XYLT1: variants seen among roughly 807,000 people sequenced by gnomAD.
XYLT1 encodes beta-D-xylosyltransferase 1.
XYLT1 carries 36 observed loss-of-function variants against 91.3 expected under a neutral mutation model. That is an observed-to-expected ratio of 0.39 (90% CI 0.30 to 0.52). The LOEUF (loss-of-function observed/expected upper bound fraction) is 0.52, where lower values mean the gene tolerates loss of function less well. Ranked by LOEUF, XYLT1 falls within the 20% of genes least tolerant of loss-of-function variation. The pLI is 0.68. For missense variants in XYLT1, 1,242 were observed against 1,284.5 expected (o/e 0.97, Z 0.51); for synonymous variants, 588 against 532.0 (o/e 1.11, Z -1.45).
At chr16:17,430,899 C>T (rs1269918097) in intron 1 of XYLT1, among the ~76,000 whole-genome samples, 1 of 152,034 alleles carries the variant, frequency 6.6e-6, no homozygotes, top group African/African-American at 2.4e-5. Flanking sequence ...CTGAACAGCA[C>T]TCATAACTTA....
At chr16:17,330,621 T>C (rs1243247479) in intron 2 of XYLT1, among the ~76,000 whole-genome samples, 1 of 148,070 alleles carries the variant, frequency 6.8e-6, no homozygotes, top group Non-Finnish European at 1.5e-5. Flanking sequence ...ACCCCGTCTC[T>C]ACTAAAAATA....
chr16:17,355,060 C>T (rs2035275477), intron 2 of XYLT1: 1 of 152,622 alleles, frequency 6.6e-6, no homozygotes, highest in Non-Finnish European at 1.5e-5. Flanking sequence ...CAAATTGAAG[C>T]TCTTCCCCAA....
chr16:17,140,488 C>T (rs747400007), intron 7 of XYLT1, among the ~76,000 whole-genome samples: 6 of 151,746 alleles, frequency 4.0e-5, no homozygotes, highest in Non-Finnish European at 8.8e-5. Context: ...TGGCAAAACC[C>T]CATCTCTACT....
At chr16:17,415,701 A>G (rs930158672) in intron 1 of XYLT1, among the ~76,000 whole-genome samples, 2 of 151,274 alleles carry the variant, frequency 1.3e-5, no homozygotes, top group Non-Finnish European at 3.0e-5. Context: ...CAAAAAAAGG[A>G]AAAAAAAACC....
rs1242374315 is a variant in XYLT1, at chr16:17,102,074, C to T, written c.*6621G>A. 2 of 152,108 alleles carry T rather than the reference C, an allele frequency of 1.3e-5. No individual in the cohort carries two copies. The highest frequency in any genetic ancestry group is 2.9e-5 in the Non-Finnish European group (2 of 68,024). 9.4% of individuals were successfully genotyped at this position (152,108 alleles called of 1,614,324 possible). ...CTTATAGGAGGTTGTTGCTATAATCCAGTTAGAAGATGACAGCAGTTTTTA... is the reference window on the plus strand; with the variant it reads ...CTTATAGGAGGTTGTTGCTATAATCTAGTTAGAAGATGACAGCAGTTTTTA... On this transcript the variant is annotated 3_prime_UTR_variant, in exon 12 of 12. Transcript: ENST00000261381.
chr16:17,334,064 T>C (rs1452283640), intron 2 of XYLT1, among the ~76,000 whole-genome samples: 1 of 152,118 alleles, frequency 6.6e-6, no homozygotes, highest in East Asian at 1.9e-4. Context: ...GTCACAGAGT[T>C]CATCCCCTAC....
chr16:17,454,659 C>T (rs1332655731), intron 1 of XYLT1, among the ~76,000 whole-genome samples: 1 of 151,926 alleles, frequency 6.6e-6, no homozygotes, highest in Non-Finnish European at 1.5e-5. Flanking sequence ...GCCTCAGCCA[C>T]CTGAGTAGCT....
At chr16:17,357,564 A>G (rs535696995) in intron 2 of XYLT1, among the ~76,000 whole-genome samples, 90 of 152,280 alleles carry the variant, frequency 5.9e-4, no homozygotes, top group South Asian at 3.9e-3. Flanking sequence ...CCTAACACGC[A>G]AGCAGATGAA....
chr16:17,306,637 C>A (rs943244736), intron 2 of XYLT1, among the ~76,000 whole-genome samples: 3 of 151,900 alleles, frequency 2.0e-5, no homozygotes, highest in Non-Finnish European at 4.4e-5. Flanking sequence ...CTTTATGCAG[C>A]AGACAGACTT....
At chr16:17,295,232 A>G (rs1300831086) in intron 2 of XYLT1, among the ~76,000 whole-genome samples, 1 of 152,166 alleles carries the variant, frequency 6.6e-6, no homozygotes, top group African/African-American at 2.4e-5. Context: ...GCTGGTGGAG[A>G]CCAGCAAAGA....
chr16:17,184,916 A>G (rs1030440522), intron 5 of XYLT1, among the ~76,000 whole-genome samples: 1 of 152,226 alleles, frequency 6.6e-6, no homozygotes, highest in Admixed American at 6.5e-5. Flanking sequence ...CAAACAATAC[A>G]ACTAAAAGTT....
At chr16:17,326,806 CAG>C (rs2034809670) in intron 2 of XYLT1, among the ~76,000 whole-genome samples, 1 of 150,872 alleles carries the variant, frequency 6.6e-6, no homozygotes, top group South Asian at 2.1e-4. Flanking sequence ...GCCTGGGTGA[CAG>C]AGTGAGACTC....
chr16:17,291,757 C>T (rs1364642257), intron 2 of XYLT1, among the ~76,000 whole-genome samples: 1 of 152,180 alleles, frequency 6.6e-6, no homozygotes, highest in Non-Finnish European at 1.5e-5. Flanking sequence ...CTATTTATTC[C>T]TGCTGTTCGG....
rs749696812 is a variant in XYLT1 at position 17,465,235 on chromosome 16, T to TC, written c.363+5198dup. Among the ~76,000 whole-genome samples, 153 of 142,252 alleles carry TC rather than the reference T, an allele frequency of 1.1e-3. 2 individuals are homozygous for TC. The highest frequency in any genetic ancestry group is 1.6e-3 in the Non-Finnish European group (106 of 65,968). The allele number at this position is 142,252 out of a possible 152,430, so 93.3% of individuals were successfully genotyped here. On this transcript the variant is annotated intron_variant, in intron 1 of 11. Transcript: ENST00000261381. ...ACAAACCATGCAAAAGGAACGCAAC[T>TC]CGGAAAGGTGGCATCTTTGGAAAGG... is the stretch of plus-strand genomic sequence containing the variant.
chr16:17,360,999 C>G (rs927456950), intron 1 of XYLT1, among the ~76,000 whole-genome samples: 3 of 152,198 alleles, frequency 2.0e-5, no homozygotes, highest in African/African-American at 7.2e-5. Context: ...AATGGGGAAC[C>G]AGGTGCACTG....
At chr16:17,146,402 T>C (rs998919200) in intron 6 of XYLT1, among the ~76,000 whole-genome samples, 2 of 152,138 alleles carry the variant, frequency 1.3e-5, no homozygotes, top group Non-Finnish European at 2.9e-5. Context: ...GACTTCAAAA[T>C]GTTAAGGAGT....
chr16:17,156,944 C>CT (rs71137977), intron 6 of XYLT1, among the ~76,000 whole-genome samples: 86 of 147,438 alleles, frequency 5.8e-4, no homozygotes, highest in South Asian at 8.6e-4. Context: ...TCTAGGGTTA[C>CT]TTTTTTTTTT....
rs116712937 is a variant in XYLT1 at position 17,412,357 on chromosome 16, T to C, written c.364-54307A>G. 2.1e-3 allele frequency among the ~76,000 whole-genome samples: 318 copies of C among 152,032 alleles called. 1 individual carries two copies. Among genetic ancestry groups the C allele is most frequent in the African/African-American group, 6.8e-3 (282 of 41,452 alleles). On this transcript the variant is annotated intron_variant, in intron 1 of 11. Transcript: ENST00000261381. ...GCACCAGGTCCACGTGAGGGGGTCC[T>C]GGCGCACACACACGTACACAAACAC...
chr16:17,203,236 A>G (rs2032575748), intron 3 of XYLT1, among the ~76,000 whole-genome samples: 1 of 152,216 alleles, frequency 6.6e-6, no homozygotes, highest in Non-Finnish European at 1.5e-5. Flanking sequence ...TAGTTATTGC[A>G]GGCAGGTAGG....
Sources: allele counts gnomAD v4.1 joint callset (sites outside exome capture counted in the v4.1 genomes callset), GRCh38; gene constraint gnomAD v4.1.1; transcripts MANE v1.5; gene names NCBI Gene and HGNC (gene_info 2026-07-23, HGNC 2026-07-21).